The following ERC1 variants were observed in gnomAD, a reference collection of about 807,000 sequenced individuals.
ERC1 encodes the protein RAB6 interacting protein 2.
Under a neutral mutation model 132.0 loss-of-function variants are expected in ERC1, and 56 were observed. The observed-to-expected ratio is 0.42, with a 90% CI of 0.34 to 0.53. The LOEUF is 0.53. Ranked by LOEUF, ERC1 falls within the 20% of genes least tolerant of loss-of-function variation. The probability of loss-of-function intolerance (pLI) is 0.03; values close to 1 mark genes in which losing one functional copy is unlikely to be tolerated. For missense variants in ERC1, 1,202 were observed against 1,349.9 expected (o/e 0.89, Z 1.72); for synonymous variants, 478 against 476.1 (o/e 1.00, Z -0.05).
chr12:1,054,870 G>A (rs1224734216), intron 2 of ERC1, among the ~76,000 whole-genome samples: 9 of 152,118 alleles, frequency 5.9e-5, no homozygotes, highest in Non-Finnish European at 1.2e-4. Flanking sequence ...CATGAAATAT[G>A]TATACCGTGT....
At chr12:1,111,930 A>T (rs892511963) in intron 5 of ERC1, among the ~76,000 whole-genome samples, 1 of 151,988 alleles carries the variant, frequency 6.6e-6, no homozygotes, top group African/African-American at 2.4e-5. Flanking sequence ...CCAACTTTCT[A>T]TTAGTTTGGA....
chr12:1,337,161 C>T (rs1196307778), intron 15 of ERC1, among the ~76,000 whole-genome samples: 1 of 152,066 alleles, frequency 6.6e-6, no homozygotes, highest in Non-Finnish European at 1.5e-5. Flanking sequence ...AAGTCTCCCA[C>T]TGTTATTGTG....
rs564732764 is a variant in ERC1 at position 1,006,635 on chromosome 12, A to T, written c.-157+15313A>T. Reference sequence around the variant, plus strand: ...GGTCTCAAAACCCTGGGCTCAAGTGATCCCCTCACCTTGGCCTCCCAAAGT... The same window carrying T: ...GGTCTCAAAACCCTGGGCTCAAGTGTTCCCCTCACCTTGGCCTCCCAAAGT... On this transcript the variant is annotated intron_variant, in intron 1 of 18. Coordinates refer to ENST00000360905, the MANE Select transcript of ERC1 (RefSeq NM_178040.4). Among the ~76,000 whole-genome samples the T allele has an allele frequency of 1.6e-4, 24 of 151,856 alleles. 1 individual carries two copies. The highest frequency in any genetic ancestry group is 5.8e-4 in the African/African-American group (24 of 41,406).
At chr12:1,278,796 G>A (rs866467332) in intron 14 of ERC1, among the ~76,000 whole-genome samples, 1 of 152,070 alleles carries the variant, frequency 6.6e-6, no homozygotes, top group Non-Finnish European at 1.5e-5. Flanking sequence ...AAAAGCCTTA[G>A]AGTTTTAATA....
chr12:1,448,256 T>C (rs1012375362), intron 18 of ERC1, among the ~76,000 whole-genome samples: 15 of 152,234 alleles, frequency 9.9e-5, no homozygotes, highest in African/African-American at 3.4e-4. Context: ...CTGAAGTTAC[T>C]GTTTGAGGTG....
At chr12:1,227,744 T>C (rs7316520) in intron 12 of ERC1, among the ~76,000 whole-genome samples, 150,040 of 152,272 alleles carry the variant, frequency 0.99, 73,935 homozygotes, top group Middle Eastern at 1. Context: ...CATCAGGAAG[T>C]TTTCTTTCCC....
chr12:1,320,578 A>G (rs531599183), intron 15 of ERC1, among the ~76,000 whole-genome samples: 1 of 152,360 alleles, frequency 6.6e-6, no homozygotes, highest in Non-Finnish European at 1.5e-5. Context: ...CAGAATTTTC[A>G]TAAGTATAAG....
chr12:1,323,911 G>A (rs7966310), intron 15 of ERC1, among the ~76,000 whole-genome samples: 5,825 of 152,008 alleles, frequency 0.038, 128 homozygotes, highest in Middle Eastern at 0.095. Context: ...CCGGAATTTC[G>A]CCTCTGCTAT....
intron 15 of ERC1, among the ~76,000 whole-genome samples, chr12:1,350,790 A>G (rs2084925603): frequency 6.6e-6 from 1 of 152,244 alleles, no homozygotes; most frequent in African/African-American, 2.4e-5. Flanking sequence ...CTGTGGGCTA[A>G]GAAGTTCAAG....
chr12:1,223,963 A>G (rs2074359528), intron 12 of ERC1, among the ~76,000 whole-genome samples: 1 of 152,184 alleles, frequency 6.6e-6, no homozygotes, highest in Non-Finnish European at 1.5e-5. Context: ...GAGAATTTAG[A>G]TTCAAATCAA....
intron 18 of ERC1, among the ~76,000 whole-genome samples, chr12:1,468,595 C>A (rs1377047298): frequency 6.6e-6 from 1 of 150,982 alleles, no homozygotes. Context: ...GAGCAAGACC[C>A]CATCAAAAAA....
chr12:1,250,606 A>C (rs1253928979), intron 13 of ERC1, among the ~76,000 whole-genome samples: 2 of 152,208 alleles, frequency 1.3e-5, no homozygotes, highest in African/African-American at 4.8e-5. Flanking sequence ...TCCATTCAGC[A>C]TCCTAATAAA....
intron 12 of ERC1, among the ~76,000 whole-genome samples, chr12:1,205,266 A>G (rs1957249665): frequency 6.6e-6 from 1 of 152,056 alleles, no homozygotes; most frequent in African/African-American, 2.4e-5. Flanking sequence ...GAGCCATGAC[A>G]ATATAAAGTG....
At chr12:1,229,241 T>C (rs1463576999) in intron 12 of ERC1, among the ~76,000 whole-genome samples, 1 of 152,146 alleles carries the variant, frequency 6.6e-6, no homozygotes, top group Admixed American at 6.5e-5. Context: ...CCAGGTACAG[T>C]GTGTAATCCC....
chr12:1,127,354 T>A (rs529147354), intron 7 of ERC1, among the ~76,000 whole-genome samples: 108 of 152,122 alleles, frequency 7.1e-4, no homozygotes, highest in Non-Finnish European at 1.4e-3. Flanking sequence ...ACAGTATTAT[T>A]TGTGGGAAGA....
chr12:1,067,129 A>G (rs1939363805), intron 2 of ERC1, among the ~76,000 whole-genome samples: 1 of 152,146 alleles, frequency 6.6e-6, no homozygotes, highest in Admixed American at 6.5e-5. Context: ...TTTATGATAT[A>G]ATACTTGCTC....
At chr12:1,143,675 A>G (rs1199182348) in intron 8 of ERC1, among the ~76,000 whole-genome samples, 1 of 138,012 alleles carries the variant, frequency 7.2e-6, no homozygotes, top group African/African-American at 2.7e-5. Context: ...TGCATTTTTT[A>G]TTGGGAGTAC....
At chr12:1,206,240 G>T (rs113879148) in intron 12 of ERC1, among the ~76,000 whole-genome samples, 115 of 151,876 alleles carry the variant, frequency 7.6e-4, no homozygotes, top group African/African-American at 2.6e-3. Context: ...TTTTAATTGT[G>T]GTTTTGCCAA....
chr12:1,262,873 C>G (rs1318568899), intron 13 of ERC1, among the ~76,000 whole-genome samples, 161 bp from the exon 14 acceptor site: 1 of 152,194 alleles, frequency 6.6e-6, no homozygotes, highest in East Asian at 1.9e-4. Flanking sequence ...TCTTTCCTTT[C>G]CTTGCTTTCT....
Sources: allele counts gnomAD v4.1 joint callset (sites outside exome capture counted in the v4.1 genomes callset), GRCh38; gene constraint gnomAD v4.1.1; transcripts MANE v1.5; gene names NCBI Gene and HGNC (gene_info 2026-07-23, HGNC 2026-07-21).